ATP10D: variants seen among roughly 807,000 people sequenced by gnomAD.
ATP10D encodes ATPase phospholipid transporting 10D (putative), also known as phospholipid-transporting ATPase VD.
A neutral mutation model predicts 144.8 loss-of-function variants in ATP10D; 89 were observed. That is an observed-to-expected ratio of 0.61 (90% CI 0.52 to 0.73). ATP10D has a LOEUF of 0.73. Among genes scored for constraint, ATP10D ranks in the 30% least tolerant of loss-of-function variants. The probability of loss-of-function intolerance (pLI) is 0.00; values close to 1 mark genes in which losing one functional copy is unlikely to be tolerated. For synonymous variants in ATP10D, 571 were observed against 615.1 expected (o/e 0.93, Z 1.06); for missense variants, 1,603 against 1,714.8 (o/e 0.93, Z 1.15).
chr4:47,551,116 C>T (rs1718712198), intron 10 of ATP10D, among the ~76,000 whole-genome samples: 1 of 152,172 alleles, frequency 6.6e-6, no homozygotes, highest in African/African-American at 2.4e-5. Context: ...AGTGAGCTCT[C>T]CTTACTATCT....
chr4:47,556,118 C>T (rs548370094), intron 11 of ATP10D, among the ~76,000 whole-genome samples: 9 of 152,316 alleles, frequency 5.9e-5, no homozygotes, highest in African/African-American at 1.2e-4. Flanking sequence ...ATTTTCAATG[C>T]GGAGGAAAAC....
At chr4:47,580,370 A>C (rs2351791) in intron 19 of ATP10D, 28 bp from the exon 20 acceptor site, 1,189,613 of 1,550,370 alleles carry the variant, frequency 0.77, 457,310 homozygotes, top group Non-Finnish European at 0.77. Flanking sequence ...TAATCTTACT[A>C]CCTCCCCGTT....
intron 1 of ATP10D, among the ~76,000 whole-genome samples, chr4:47,502,596 A>G (rs1715761967): frequency 6.7e-6 from 1 of 148,448 alleles, no homozygotes; most frequent in African/African-American, 2.4e-5. Context: ...TTTTAATTAT[A>G]CATGTTTTTC....
chr4:47,528,935 G>A (rs540794295), intron 5 of ATP10D, among the ~76,000 whole-genome samples: 1 of 151,974 alleles, frequency 6.6e-6, no homozygotes, highest in African/African-American at 2.4e-5. Flanking sequence ...TCTTATGCTT[G>A]TTGGCCTCTT....
At chr4:47,547,046 C>G in intron 10 of ATP10D, 184 bp downstream of exon 10, 1 of 599,714 alleles carries the variant, frequency 1.7e-6, no homozygotes, top group Admixed American at 3.0e-5. Flanking sequence ...CACTAGTCTA[C>G]TTTTAAAAAA....
intron 14 of ATP10D, 83 bp downstream of exon 14, chr4:47,561,158 T>C (rs1413491777): frequency 3.9e-6 from 6 of 1,528,976 alleles, no homozygotes; most frequent in Non-Finnish European, 5.4e-6. Flanking sequence ...TTTTCTTCCA[T>C]TGTTATCTAA....
chr4:47,564,043 C>T (rs764838152), intron 15 of ATP10D, among the ~76,000 whole-genome samples: 3 of 152,122 alleles, frequency 2.0e-5, no homozygotes, highest in Non-Finnish European at 4.4e-5. Context: ...AGGCATCTGC[C>T]ACCACGCCTG....
Position 47,591,227 on chromosome 4 carries a change from TGCCTG to T in ATP10D, c.4131_4135del (p.Gly1378PhefsTer15). ...GCTGGCAAGTCAGGAAGAAGACCCA[TGCCTG>T]GCCCTTCTGCTGTATTTGCAATGAA... On this transcript the variant is annotated frameshift_variant, in exon 23 of 23. Coordinates refer to ENST00000273859, the MANE Select transcript of ATP10D (RefSeq NM_020453.4). LOFTEE classifies it low-confidence loss of function (END_TRUNC). 1 of 1,613,618 alleles carries T rather than the reference TGCCTG, an allele frequency of 6.2e-7. No homozygotes were observed. Among genetic ancestry groups the T allele is most frequent in the Non-Finnish European group, 8.5e-7 (1 of 1,179,610 alleles).
chr4:47,502,331 C>T lies in ATP10D; in HGVS notation c.-37-10173C>T, dbSNP rs570606623. Among the ~76,000 whole-genome samples, 166 of 152,032 alleles carry T rather than the reference C, an allele frequency of 1.1e-3. 1 individual carries two copies. The highest frequency in any genetic ancestry group is 3.7e-3 in the African/African-American group (153 of 41,484). ...CTAAAAATGCAAGAAATTAGCTGGG[C>T]GTGGTGGCGGGCGCCTGTAGTTCCA... On this transcript the variant is annotated intron_variant, in intron 1 of 22. Coordinates refer to ENST00000273859, the MANE Select transcript of ATP10D (RefSeq NM_020453.4).
At chr4:47,524,509 A>T (rs1245727008) in intron 4 of ATP10D, among the ~76,000 whole-genome samples, 1 of 152,222 alleles carries the variant, frequency 6.6e-6, no homozygotes, top group Non-Finnish European at 1.5e-5. Flanking sequence ...ACCCACTATG[A>T]GTATTAATCA....
rs61494951 is a variant in ATP10D, at chr4:47,530,747, C to T, written c.777-4762C>T. Among the ~76,000 whole-genome samples, 2,223 of 152,244 alleles carry T rather than the reference C, an allele frequency of 0.015. 99 individuals are homozygous for T. In the East Asian group the frequency reaches 0.16, roughly 11 times the overall value. Reference sequence around the variant, plus strand: ...CTGGTATTACAGGCATGAGCCACTGCGCCCAGCCTAGTTTTAGTTTTTAAT... The same window carrying T: ...CTGGTATTACAGGCATGAGCCACTGTGCCCAGCCTAGTTTTAGTTTTTAAT... On this transcript the variant is annotated intron_variant, in intron 5 of 22. Coordinates refer to ENST00000273859, the MANE Select transcript of ATP10D (RefSeq NM_020453.4).
intron 1 of ATP10D, among the ~76,000 whole-genome samples, chr4:47,507,565 A>G (rs1716084463): frequency 6.6e-6 from 1 of 152,196 alleles, no homozygotes; most frequent in African/African-American, 2.4e-5. Context: ...CCTACTTCTA[A>G]TGGCAGAAAA....
intron 3 of ATP10D, among the ~76,000 whole-genome samples, chr4:47,517,043 A>G (rs963709052): frequency 2.2e-4 from 33 of 152,234 alleles, no homozygotes; most frequent in African/African-American, 7.5e-4. Flanking sequence ...CAGTTTTAAG[A>G]TTACCCAGTG....
Position 47,517,373 on chromosome 4 carries a change from GC to G in ATP10D, c.485+1705del, listed in dbSNP as rs550491405. ...GGAGGTTGCAGTGAGCCAACATTTG[GC>G]CACTACACTCCAATCCGGGCAAAAG... On this transcript the variant is annotated intron_variant, in intron 3 of 22. Transcript: ENST00000273859. Among the ~76,000 whole-genome samples the G allele has an allele frequency of 4.8e-3, 729 of 152,232 alleles. 5 individuals carry two copies. Among genetic ancestry groups the G allele is most frequent in the African/African-American group, 0.017 (698 of 41,530 alleles).
At chr4:47,496,772 C>T (rs1233357007) in intron 1 of ATP10D, among the ~76,000 whole-genome samples, 11 of 151,514 alleles carry the variant, frequency 7.3e-5, no homozygotes, top group Admixed American at 7.2e-4. Flanking sequence ...GCTTTTTTTC[C>T]AACTGTGCTA....
At chr4:47,502,819 A>G (rs1715780922) in intron 1 of ATP10D, among the ~76,000 whole-genome samples, 1 of 152,104 alleles carries the variant, frequency 6.6e-6, no homozygotes. Flanking sequence ...GAAACAATGC[A>G]TCTAGATACC....
At chr4:47,505,183 A>C (rs1248398138) in intron 1 of ATP10D, among the ~76,000 whole-genome samples, 1 of 152,220 alleles carries the variant, frequency 6.6e-6, no homozygotes, top group Non-Finnish European at 1.5e-5. Flanking sequence ...ATCCGCTGTC[A>C]AGCCATTAGT....
chr4:47,541,168 AT>A (rs1288633161), intron 9 of ATP10D, among the ~76,000 whole-genome samples: 2 of 152,208 alleles, frequency 1.3e-5, no homozygotes, highest in African/African-American at 4.8e-5. Context: ...CACATAAAGA[AT>A]TTAGAACAGC....
At chr4:47,521,317 C>T (rs1262375907) in intron 3 of ATP10D, among the ~76,000 whole-genome samples, 1 of 152,234 alleles carries the variant, frequency 6.6e-6, no homozygotes, top group Non-Finnish European at 1.5e-5. Context: ...AGACCTGTGA[C>T]AGCACCATCC....
Sources: allele counts gnomAD v4.1 joint callset (sites outside exome capture counted in the v4.1 genomes callset), GRCh38; gene constraint gnomAD v4.1.1; transcripts MANE v1.5; gene names NCBI Gene and HGNC (gene_info 2026-07-23, HGNC 2026-07-21).